SETBP1: variants seen among roughly 807,000 people sequenced by gnomAD.
SETBP1 encodes the protein SET binding protein 1.
SETBP1 carries 9 observed loss-of-function variants against 101.0 expected under a neutral mutation model. That is an observed-to-expected ratio of 0.09 (90% CI 0.05 to 0.16). SETBP1 has a LOEUF of 0.16. Ranked by LOEUF, SETBP1 falls within the 10% of genes least tolerant of loss-of-function variation. The probability of loss-of-function intolerance (pLI) is 1.00; values close to 1 mark genes in which losing one functional copy is unlikely to be tolerated. For missense variants in SETBP1, 1,858 were observed against 2,033.8 expected, an observed-to-expected ratio of 0.91 and a Z score of 1.66; for synonymous variants, 818 against 788.5, an observed-to-expected ratio of 1.04 and a Z score of -0.63.
At chr18:44,907,486 T>C (rs1425457931) in intron 3 of SETBP1, among the ~76,000 whole-genome samples, 2 of 152,198 alleles carry the variant, frequency 1.3e-5, no homozygotes, top group Non-Finnish European at 2.9e-5. Flanking sequence ...TATATGAGGA[T>C]TCAAATTTCT....
At chr18:44,883,184 T>A (rs2069569643) in intron 3 of SETBP1, among the ~76,000 whole-genome samples, 1 of 152,188 alleles carries the variant, frequency 6.6e-6, no homozygotes, top group Non-Finnish European at 1.5e-5. Flanking sequence ...TGTTCACATA[T>A]GAACTCAGAG....
At position 44,974,575 on chromosome 18, in the gene SETBP1, C is replaced by G. The variant is rs530328438; in HGVS notation, c.4000+21235C>G. Among the ~76,000 whole-genome samples the G allele has an allele frequency of 2.3e-3, 353 of 152,274 alleles. 1 individual carries two copies. Among genetic ancestry groups the G allele is most frequent in the Non-Finnish European group, 4.3e-3 (292 of 68,018 alleles). Reference sequence around the variant, plus strand: ...GGCTCCCTGCTTCAGATCCAGTAGACCTCCCCAAATGACTGATGTGGACTC... The same window carrying G: ...GGCTCCCTGCTTCAGATCCAGTAGAGCTCCCCAAATGACTGATGTGGACTC... On this transcript the variant is annotated intron_variant, in intron 4 of 5. Transcript: ENST00000649279.
intron 1 of SETBP1, among the ~76,000 whole-genome samples, chr18:44,696,960 A>G (rs564692360): frequency 1.3e-5 from 2 of 152,186 alleles, no homozygotes; most frequent in African/African-American, 4.8e-5. Flanking sequence ...TATCTTTCCA[A>G]TCCTCCTCCA....
chr18:44,855,894 C>T (rs17724176), intron 2 of SETBP1, among the ~76,000 whole-genome samples: 4,567 of 152,164 alleles, frequency 0.03, 108 homozygotes, highest in Non-Finnish European at 0.045. Context: ...TTTGCCTGGG[C>T]GTGTCATCAA....
At chr18:44,790,640 T>C (rs1285337836) in intron 2 of SETBP1, among the ~76,000 whole-genome samples, 1 of 152,236 alleles carries the variant, frequency 6.6e-6, no homozygotes, top group African/African-American at 2.4e-5. Flanking sequence ...GATCTCAGTA[T>C]TGGCTGCATG....
intron 4 of SETBP1, among the ~76,000 whole-genome samples, chr18:44,956,747 C>G (rs1436633266): frequency 6.6e-6 from 1 of 152,134 alleles, no homozygotes; most frequent in African/African-American, 2.4e-5. Context: ...TAAGTCATTA[C>G]CATTATGGAG....
chr18:44,919,728 TTATTA>T (rs1467958497), intron 3 of SETBP1, among the ~76,000 whole-genome samples: 2 of 151,026 alleles, frequency 1.3e-5, no homozygotes, highest in East Asian at 3.9e-4. Flanking sequence ...TAATATATAT[TTATTA>T]TATTATATAT....
intron 3 of SETBP1, among the ~76,000 whole-genome samples, chr18:44,906,093 A>G (rs2070168480): frequency 6.6e-6 from 1 of 152,236 alleles, no homozygotes; most frequent in South Asian, 2.1e-4. Flanking sequence ...CCTCAGTCCT[A>G]TTTTACAGAT....
At chr18:45,058,690 T>C (rs2073846762) in intron 5 of SETBP1, among the ~76,000 whole-genome samples, 1 of 152,140 alleles carries the variant, frequency 6.6e-6, no homozygotes, top group African/African-American at 2.4e-5. Flanking sequence ...ATAACAAGCA[T>C]AAAGGAGAAA....
At chr18:45,044,596 G>A (rs1031478117) in intron 5 of SETBP1, among the ~76,000 whole-genome samples, 3 of 152,142 alleles carry the variant, frequency 2.0e-5, no homozygotes, top group Non-Finnish European at 4.4e-5. Context: ...GAGCAGCTGA[G>A]CTTCTCCTAT....
At chr18:44,940,385 G>T (rs1337469237) in intron 3 of SETBP1, among the ~76,000 whole-genome samples, 1 of 152,008 alleles carries the variant, frequency 6.6e-6, no homozygotes, top group Non-Finnish European at 1.5e-5. Context: ...TATAATTACT[G>T]ATACTGTTGG....
At chr18:45,029,250 A>G (rs983754866) in intron 4 of SETBP1, among the ~76,000 whole-genome samples, 2 of 152,072 alleles carry the variant, frequency 1.3e-5, no homozygotes, top group African/African-American at 2.4e-5. Context: ...TTTTCCCAGC[A>G]CCATTTATTA....
intron 2 of SETBP1, among the ~76,000 whole-genome samples, chr18:44,837,990 C>G (rs575851569): frequency 8.5e-5 from 13 of 152,294 alleles, no homozygotes; most frequent in African/African-American, 3.1e-4. Flanking sequence ...CCACAATTCT[C>G]AGGGCTCGTT....
At chr18:44,717,583 C>T (rs2069494396) in intron 2 of SETBP1, among the ~76,000 whole-genome samples, 3 of 152,132 alleles carry the variant, frequency 2.0e-5, no homozygotes, top group African/African-American at 7.2e-5. Flanking sequence ...GGGATTGGCC[C>T]TTTACCAACA....
At chr18:44,753,061 GT>G (rs372676161) in intron 2 of SETBP1, among the ~76,000 whole-genome samples, 4 of 152,102 alleles carry the variant, frequency 2.6e-5, no homozygotes, top group African/African-American at 9.7e-5. Flanking sequence ...GACAATTATG[GT>G]TTTTTTATGT....
At chr18:45,009,682 G>T (rs530025582) in intron 4 of SETBP1, among the ~76,000 whole-genome samples, 94 of 152,104 alleles carry the variant, frequency 6.2e-4, no homozygotes, top group Non-Finnish European at 1.0e-3. Context: ...CTTAATTTGG[G>T]CCTCTCTATG....
intron 2 of SETBP1, among the ~76,000 whole-genome samples, chr18:44,810,755 A>G (rs2071844406): frequency 6.6e-6 from 1 of 152,200 alleles, no homozygotes; most frequent in Non-Finnish European, 1.5e-5. Context: ...AGGAAAAGAG[A>G]AGTTGAAATG....
intron 2 of SETBP1, among the ~76,000 whole-genome samples, chr18:44,734,586 T>C (rs537634068): frequency 6.6e-6 from 1 of 152,320 alleles, no homozygotes; most frequent in South Asian, 2.1e-4. Context: ...ACTTCCATAC[T>C]TCTGTTTACA....
At chr18:44,706,591 CAAAA>C (rs1018470585) in intron 2 of SETBP1, among the ~76,000 whole-genome samples, 3 of 16,970 alleles carry the variant, frequency 1.8e-4, no homozygotes, top group Non-Finnish European at 2.9e-4. Flanking sequence ...GACTCAATCT[CAAAA>C]AAAAAAAAAA....
Sources: allele counts gnomAD v4.1 joint callset (sites outside exome capture counted in the v4.1 genomes callset), GRCh38; gene constraint gnomAD v4.1.1; transcripts MANE v1.5; gene names NCBI Gene and HGNC (gene_info 2026-07-23, HGNC 2026-07-21).